The following CCBE1 variants were observed in gnomAD, a reference collection of about 807,000 sequenced individuals.
CCBE1 encodes the protein collagen and calcium-binding EGF domain-containing protein 1.
A neutral mutation model predicts 50.0 loss-of-function variants in CCBE1; 37 were observed. The ratio of observed to expected loss-of-function variants is 0.74; its 90% confidence interval spans 0.57 to 0.97. CCBE1 has a LOEUF of 0.97. CCBE1 is among the 50% of genes least tolerant of loss of function. The pLI is 0.00. For missense variants in CCBE1, 538 were observed against 523.8 expected (o/e 1.03, Z -0.26); for synonymous variants, 234 against 203.7 (o/e 1.15, Z -1.27).
chr18:59,495,985 A>G (rs12232758), intron 2 of CCBE1, among the ~76,000 whole-genome samples: 3,303 of 152,324 alleles, frequency 0.022, 145 homozygotes, highest in East Asian at 0.21. Context: ...AAAACAACTT[A>G]GGCTCTTTGA....
chr18:59,504,352 T>A (rs1023179979), intron 2 of CCBE1, among the ~76,000 whole-genome samples: 4 of 151,924 alleles, frequency 2.6e-5, no homozygotes, highest in African/African-American at 9.7e-5. Flanking sequence ...TTTACTATTA[T>A]TGTTAGTAGT....
At chr18:59,458,098 A>G (rs1235018539) in intron 5 of CCBE1, among the ~76,000 whole-genome samples, 2 of 152,074 alleles carry the variant, frequency 1.3e-5, no homozygotes, top group Non-Finnish European at 2.9e-5. Flanking sequence ...ACAGAATACC[A>G]TCATCAATCT....
intron 2 of CCBE1, among the ~76,000 whole-genome samples, chr18:59,503,804 T>C (rs1913739358): frequency 6.6e-6 from 1 of 152,246 alleles, no homozygotes; most frequent in African/African-American, 2.4e-5. Flanking sequence ...TTCAGGACTT[T>C]ATCTTCCCAT....
Position 59,435,983 on chromosome 18 carries a change from G to A in CCBE1, c.1146C>T (p.Asp382=). 6.2e-7 allele frequency: 1 copy of A among 1,614,162 alleles called. No homozygotes were observed. The highest frequency in any genetic ancestry group is 8.5e-7 in the Non-Finnish European group (1 of 1,180,032). The change falls in exon 11 of 11, where the codon GAC becomes GAT. Residue 382 remains aspartate (D), a synonymous_variant. Transcript: ENST00000439986. ...QEFPSYPEAM[D]LGSGDDHPRR... ...TTGGATGGTCATCTCCAGAGCCCAG[G>A]TCCATGGCTTCTGGGTAGCTGGGAA...
intron 2 of CCBE1, among the ~76,000 whole-genome samples, chr18:59,596,822 G>A (rs1194677149): frequency 5.9e-5 from 9 of 152,156 alleles, no homozygotes; most frequent in Non-Finnish European, 1.3e-4. Flanking sequence ...GCATCACGTC[G>A]TCAAAACTTT....
At chr18:59,547,984 T>C (rs1457930679) in intron 2 of CCBE1, among the ~76,000 whole-genome samples, 3 of 152,332 alleles carry the variant, frequency 2.0e-5, no homozygotes, top group East Asian at 1.9e-4. Flanking sequence ...TTTATTCTCC[T>C]TGTGGTTGGA....
At chr18:59,593,227 A>G (rs2053300271) in intron 2 of CCBE1, among the ~76,000 whole-genome samples, 2 of 152,200 alleles carry the variant, frequency 1.3e-5, no homozygotes, top group Non-Finnish European at 1.5e-5. Flanking sequence ...TTTTGAAAAA[A>G]GACTAAATGC....
chr18:59,435,871 T>A lies in CCBE1; in HGVS notation c.*37A>T, dbSNP rs1910126844. The A allele has an allele frequency of 6.4e-7, 1 of 1,571,468 alleles. No homozygotes were observed. The highest frequency in any genetic ancestry group is 1.3e-5 in the African/African-American group (1 of 74,098). On this transcript the variant is annotated 3_prime_UTR_variant, in exon 11 of 11. Coordinates refer to ENST00000439986, the MANE Select transcript of CCBE1 (RefSeq NM_133459.4). The stretch of plus-strand genomic sequence containing the variant: ...GATGGTTTAACTGCAGGTGAGTTGA[T>A]CTTTCTCTTCCTTTGGCGTGACGGT...
At chr18:59,527,901 C>T (rs1285177491) in intron 2 of CCBE1, among the ~76,000 whole-genome samples, 1 of 152,068 alleles carries the variant, frequency 6.6e-6, no homozygotes, top group Non-Finnish European at 1.5e-5. Context: ...CTCTCTGGCT[C>T]CCCTAACATT....
At chr18:59,583,901 G>A (rs1231147869) in intron 2 of CCBE1, among the ~76,000 whole-genome samples, 1 of 152,126 alleles carries the variant, frequency 6.6e-6, no homozygotes, top group Non-Finnish European at 1.5e-5. Context: ...CACTGCTGGT[G>A]GGACTGTAAA....
chr18:59,484,233 A>G (rs630145), intron 2 of CCBE1, among the ~76,000 whole-genome samples: 34,604 of 152,162 alleles, frequency 0.23, 4,306 homozygotes, highest in Non-Finnish European at 0.28. Flanking sequence ...ACAGAAAACT[A>G]TAAGAGGAAG....
At chr18:59,695,989 A>T (rs752153663) in intron 2 of CCBE1, among the ~76,000 whole-genome samples, 1 of 151,946 alleles carries the variant, frequency 6.6e-6, no homozygotes, top group Non-Finnish European at 1.5e-5. Flanking sequence ...GACAAGAACC[A>T]CCTGGGGAAC....
chr18:59,506,268 G>A (rs72962188), intron 2 of CCBE1, among the ~76,000 whole-genome samples: 16,202 of 152,260 alleles, frequency 0.11, 1,042 homozygotes, highest in Middle Eastern at 0.18. Context: ...TCACAACCAT[G>A]GCAAGCTAGG....
rs188329013 is a variant in CCBE1 at position 59,452,449 on chromosome 18, C to T, written c.654+2402G>A. Among the ~76,000 whole-genome samples the T allele has an allele frequency of 2.8e-4, 42 of 152,158 alleles. No homozygotes were observed. In the East Asian group the frequency reaches 7.5e-3, roughly 27 times the overall value. On this transcript the variant is annotated intron_variant, in intron 6 of 10. Coordinates refer to ENST00000439986, the MANE Select transcript of CCBE1 (RefSeq NM_133459.4). ...CCACTAAAAATACAAAAAAAATTAG[C>T]GTGGCATGGTGGTAGGCACCTGTAA...
chr18:59,535,976 C>T (rs952288566), intron 2 of CCBE1, among the ~76,000 whole-genome samples: 11 of 152,168 alleles, frequency 7.2e-5, no homozygotes, highest in Non-Finnish European at 1.2e-4. Flanking sequence ...GCACAAGCCA[C>T]GGTGCCTGGC....
At chr18:59,668,992 C>A (rs1317755751) in intron 2 of CCBE1, among the ~76,000 whole-genome samples, 1 of 151,764 alleles carries the variant, frequency 6.6e-6, no homozygotes, top group East Asian at 1.9e-4. Context: ...CGCCACAACA[C>A]CTGGCTAATT....
At chr18:59,692,827 G>C (rs192974173) in intron 2 of CCBE1, among the ~76,000 whole-genome samples, 1 of 152,238 alleles carries the variant, frequency 6.6e-6, no homozygotes. Context: ...CGGCAGGGCA[G>C]AGAGGCACCT....
At chr18:59,682,623 C>A (rs1033357421) in intron 2 of CCBE1, among the ~76,000 whole-genome samples, 3 of 152,146 alleles carry the variant, frequency 2.0e-5, no homozygotes, top group African/African-American at 4.8e-5. Context: ...TGGCTTAGCA[C>A]CCTATTTAAC....
intron 2 of CCBE1, among the ~76,000 whole-genome samples, chr18:59,690,785 C>A (rs980865119): frequency 2.6e-5 from 4 of 152,208 alleles, no homozygotes; most frequent in South Asian, 2.1e-4. Flanking sequence ...CCCTCGAACA[C>A]CTGTTCTTGT....
Sources: gnomAD v4.1 joint callset for allele counts (sites outside exome capture counted in the v4.1 genomes callset) on GRCh38, gnomAD v4.1.1 for gene constraint, MANE v1.5 for transcripts, NCBI Gene and HGNC (gene_info 2026-07-23, HGNC 2026-07-21) for gene names.